The following NRG3 variants were observed in gnomAD, a reference collection of about 807,000 sequenced individuals.
NRG3 encodes the protein pro-neuregulin-3, membrane-bound isoform.
NRG3 carries 31 observed loss-of-function variants against 66.9 expected under a neutral mutation model. That is an observed-to-expected ratio of 0.46 (90% CI 0.35 to 0.63). The LOEUF is 0.63. Ranked by LOEUF, NRG3 falls within the 20% of genes least tolerant of loss-of-function variation. NRG3 has a pLI of 0.00. For missense variants in NRG3, 910 were observed against 878.9 expected, an observed-to-expected ratio of 1.04 and a Z score of -0.45; for synonymous variants, 393 against 359.4, an observed-to-expected ratio of 1.09 and a Z score of -1.06.
At chr10:82,396,329 A>G (rs2136006199) in intron 2 of NRG3, among the ~76,000 whole-genome samples, 1 of 152,300 alleles carries the variant, frequency 6.6e-6, no homozygotes, top group Middle Eastern at 3.4e-3. Context: ...AAGCTCCCAA[A>G]TGGCAGAAGT....
chr10:82,335,120 CAG>C (rs1388336007), intron 1 of NRG3, among the ~76,000 whole-genome samples: 7 of 152,312 alleles, frequency 4.6e-5, no homozygotes, highest in Non-Finnish European at 1.0e-4. Context: ...TGAAGCTACT[CAG>C]GGGAATGCCA....
chr10:82,097,202 AGTCTG>A (rs1456162177), intron 1 of NRG3, among the ~76,000 whole-genome samples: 1 of 151,922 alleles, frequency 6.6e-6, no homozygotes, highest in Non-Finnish European at 1.5e-5. Context: ...AACACTCTTG[AGTCTG>A]AATTCTTTCA....
At chr10:82,718,032 A>G (rs542584623) in intron 2 of NRG3, among the ~76,000 whole-genome samples, 1 of 152,242 alleles carries the variant, frequency 6.6e-6, no homozygotes, top group Admixed American at 6.5e-5. Context: ...ATTCACTAAC[A>G]TATTCCTCTG....
chr10:82,467,533 T>G (rs180772077), intron 2 of NRG3, among the ~76,000 whole-genome samples: 3 of 152,356 alleles, frequency 2.0e-5, no homozygotes, highest in African/African-American at 7.2e-5. Flanking sequence ...ACTTGTGCTC[T>G]ATTCCCTGGT....
chr10:82,863,141 G>A (rs1332131112), intron 3 of NRG3, among the ~76,000 whole-genome samples: 2 of 152,162 alleles, frequency 1.3e-5, no homozygotes, highest in Non-Finnish European at 2.9e-5. Flanking sequence ...TTAGTTTGCT[G>A]AGAATGATGG....
At chr10:82,550,501 G>A (rs1450804146) in intron 2 of NRG3, among the ~76,000 whole-genome samples, 2 of 151,994 alleles carry the variant, frequency 1.3e-5, no homozygotes, top group African/African-American at 4.8e-5. Context: ...GGCTTTGCTA[G>A]GGAATGAAAA....
chr10:82,713,043 C>T (rs945064476), intron 2 of NRG3, among the ~76,000 whole-genome samples: 3 of 122,308 alleles, frequency 2.5e-5, no homozygotes, highest in Non-Finnish European at 3.2e-5. Flanking sequence ...TCACTTGAAT[C>T]GGGGAGGTGG....
chr10:82,352,542 A>T (rs1023208228), intron 1 of NRG3, among the ~76,000 whole-genome samples: 4 of 152,208 alleles, frequency 2.6e-5, no homozygotes, highest in Non-Finnish European at 5.9e-5. Flanking sequence ...ACTGGGCAAC[A>T]CTATAGAGAG....
chr10:81,977,723 A>C (rs1331098528), intron 1 of NRG3, among the ~76,000 whole-genome samples: 3 of 152,226 alleles, frequency 2.0e-5, no homozygotes, highest in Non-Finnish European at 4.4e-5. Context: ...GTCCACAAAC[A>C]AATAATTTCA....
chr10:82,355,072 A>G (rs1385703120), intron 1 of NRG3, among the ~76,000 whole-genome samples: 1 of 152,244 alleles, frequency 6.6e-6, no homozygotes, highest in Non-Finnish European at 1.5e-5. Flanking sequence ...AAATAGTACC[A>G]TATAGCATAG....
chr10:82,070,127 T>C (rs2064720845), intron 1 of NRG3, among the ~76,000 whole-genome samples: 1 of 152,198 alleles, frequency 6.6e-6, no homozygotes, highest in South Asian at 2.1e-4. Context: ...GAAGTCCAAC[T>C]TAAAACAGCT....
Position 82,489,271 on chromosome 10 carries a change from A to G in NRG3, c.953+130403A>G, listed in dbSNP as rs913377985. Among the ~76,000 whole-genome samples, 5 of 152,180 alleles carry G rather than the reference A, an allele frequency of 3.3e-5. No individual in the cohort carries two copies. In the East Asian group the frequency reaches 7.7e-4, roughly 23 times the overall value. On this transcript the variant is annotated intron_variant, in intron 2 of 8. Coordinates refer to ENST00000372141, the MANE Select transcript of NRG3 (RefSeq NM_001010848.4). The stretch of plus-strand genomic sequence containing the variant: ...ACATATCCCCACATAGTGTATTAAC[A>G]TGTTCTTAGAGATATATGGAGAAGG...
intron 2 of NRG3, among the ~76,000 whole-genome samples, chr10:82,686,030 T>G (rs1422017022): frequency 6.6e-6 from 1 of 152,170 alleles, no homozygotes; most frequent in Non-Finnish European, 1.5e-5. Context: ...GTTAACATTT[T>G]TTCTTTTAAT....
chr10:81,994,404 A>G (rs2060853784), intron 1 of NRG3, among the ~76,000 whole-genome samples: 1 of 152,140 alleles, frequency 6.6e-6, no homozygotes. Context: ...CTGAAAGGTA[A>G]TATTTAAAAA....
chr10:82,504,049 A>T (rs943322146), intron 2 of NRG3, among the ~76,000 whole-genome samples: 4 of 152,202 alleles, frequency 2.6e-5, no homozygotes, highest in African/African-American at 9.7e-5. Flanking sequence ...GATGAACCAA[A>T]GCTGACACTT....
At chr10:82,422,857 C>T (rs543853607) in intron 2 of NRG3, among the ~76,000 whole-genome samples, 3 of 152,004 alleles carry the variant, frequency 2.0e-5, no homozygotes, top group South Asian at 4.2e-4. Flanking sequence ...GTGGCATGCT[C>T]AGTGTATAAG....
At chr10:82,030,082 G>A (rs180676995) in intron 1 of NRG3, among the ~76,000 whole-genome samples, 1 of 152,182 alleles carries the variant, frequency 6.6e-6, no homozygotes, top group Non-Finnish European at 1.5e-5. Context: ...CTCGCTCTTG[G>A]CATGGGTGAT....
At chr10:82,754,343 G>T (rs991522808) in intron 3 of NRG3, among the ~76,000 whole-genome samples, 8 of 151,412 alleles carry the variant, frequency 5.3e-5, no homozygotes, top group Non-Finnish European at 1.2e-4. Context: ...CCCTTCGTTA[G>T]CTGTCTTCCA....
intron 3 of NRG3, among the ~76,000 whole-genome samples, chr10:82,745,077 G>T (rs1384181442): frequency 6.6e-6 from 1 of 152,114 alleles, no homozygotes; most frequent in Non-Finnish European, 1.5e-5. Context: ...ACACACGAAA[G>T]ACATGATTGC....
Sources: allele counts gnomAD v4.1 joint callset (sites outside exome capture counted in the v4.1 genomes callset), GRCh38; gene constraint gnomAD v4.1.1; transcripts MANE v1.5; gene names NCBI Gene and HGNC (gene_info 2026-07-23, HGNC 2026-07-21).